COQ4: variants seen among roughly 807,000 people sequenced by gnomAD.
COQ4 encodes the protein ubiquinone biosynthesis protein COQ4 homolog, mitochondrial.
In COQ4, 36 loss-of-function variants were observed where a neutral mutation model predicts 30.2. The observed-to-expected ratio is 1.19, with a 90% confidence interval of 0.91 to 1.57. The LOEUF is 1.57. COQ4 is among the 40% of genes most tolerant of loss of function. COQ4 has a pLI of 0.00. For missense variants in COQ4, 369 were observed against 371.9 expected (o/e 0.99, Z 0.07); for synonymous variants, 197 against 161.0 (o/e 1.22, Z -1.69).
rs1832453524 is a variant in COQ4, at chr9:128,333,665, C to G, written c.*20C>G. On this transcript the variant is annotated 3_prime_UTR_variant, in exon 7 of 7. Transcript: ENST00000300452. ...GCCTGAGCTCCTGAGCCAGCGGGGC[C>G]TGGCCTACCTCCCCCATCCCCTGCT... is the stretch of plus-strand genomic sequence containing the variant. 6.6e-7 allele frequency: 1 copy of G among 1,508,120 alleles called. No individual in the cohort carries two copies. The highest frequency in any genetic ancestry group is 1.4e-5 in the African/African-American group (1 of 70,920). 93.4% of individuals were successfully genotyped at this position (1,508,120 alleles called of 1,614,324 possible).
chr9:128,332,813 T>G, intron 5 of COQ4, 37 bp from the exon 6 acceptor site: 1 of 1,483,162 alleles, frequency 6.7e-7, no homozygotes, highest in South Asian at 1.1e-5. Flanking sequence ...TTCCTTCAGA[T>G]AGCTTGTTCA....
In COQ4 at chr9:128,323,125, G is replaced by T; in HGVS notation, c.180G>T (p.Ala60=). The T allele has an allele frequency of 2.5e-6, 4 of 1,609,188 alleles. No individual in the cohort carries two copies. The South Asian group carries it at 4.4e-5, about 18-fold the overall frequency. ...GLLAAGSAAM[A]LYNPYRHDMV... ...TGGCCGCCGGCTCCGCGGCGATGGC[G>T]CTCTATAACCCCTACCGCCACGGTA... is the stretch of plus-strand genomic sequence containing the variant. Residue 60 remains alanine, a synonymous_variant, in exon 2 of 7, where the codon GCG becomes GCT. Coordinates refer to ENST00000300452, the MANE Select transcript of COQ4 (RefSeq NM_016035.5).
chr9:128,333,037 G>T (rs2131236218), intron 6 of COQ4, 94 bp downstream of exon 6: 1 of 904,172 alleles, frequency 1.1e-6, no homozygotes. Context: ...AAGAGCACAC[G>T]GGCCCCTGCA....
intron 4 of COQ4, chr9:128,326,187 G>A: frequency 1.9e-6 from 1 of 533,798 alleles, no homozygotes; most frequent in South Asian, 2.6e-5. Context: ...TCTTTTAGCA[G>A]ATAAGGAAAC....
At chr9:128,326,176 C>A in intron 4 of COQ4, 1 of 559,344 alleles carries the variant, frequency 1.8e-6, no homozygotes, top group South Asian at 2.4e-5. Context: ...TATTATTATC[C>A]TCTTTTAGCA....
chr9:128,332,364 C>G (rs921239290), intron 5 of COQ4, 82 bp downstream of exon 5: 4 of 1,468,810 alleles, frequency 2.7e-6, no homozygotes. Flanking sequence ...CCACCACCCT[C>G]TGCATCACCT....
chr9:128,327,112 T>C (rs1462777493), intron 4 of COQ4, among the ~76,000 whole-genome samples: 1 of 152,070 alleles, frequency 6.6e-6, no homozygotes, highest in African/African-American at 2.4e-5. Context: ...CTGCCCTCAT[T>C]TCTATTCTAC....
At chr9:128,327,463 A>C (rs1395328240) in intron 4 of COQ4, among the ~76,000 whole-genome samples, 1 of 152,044 alleles carries the variant, frequency 6.6e-6, no homozygotes, top group African/African-American at 2.4e-5. Context: ...AAACAAAAAA[A>C]TTCATATAAA....
intron 4 of COQ4, among the ~76,000 whole-genome samples, chr9:128,328,008 G>A (rs1415397892): frequency 6.6e-6 from 1 of 152,224 alleles, no homozygotes; most frequent in Non-Finnish European, 1.5e-5. Flanking sequence ...AGACTTGGAA[G>A]GTAAGGAGGA....
In COQ4 at chr9:128,333,558, T is replaced by C; in HGVS notation, c.711T>C (p.Tyr237=). Residue 237 remains tyrosine, a synonymous_variant, in exon 7 of 7, where the codon TAT becomes TAC. Coordinates refer to ENST00000300452, the MANE Select transcript of COQ4 (RefSeq NM_016035.5). ...RRAPCVLNLY[Y]ERRWEQSLRA... ...CCCCATGTGTCCTCAACCTGTACTA[T>C]GAGCGGCGCTGGGAGCAGTCCCTGA... 3 of 1,611,020 alleles carry C rather than the reference T, an allele frequency of 1.9e-6. No individual in the cohort carries two copies. The highest frequency in any genetic ancestry group is 2.5e-6 in the Non-Finnish European group (3 of 1,178,780).
intron 4 of COQ4, 141 bp downstream of exon 4, chr9:128,326,022 A>G (rs951185082): frequency 3.8e-5 from 28 of 741,416 alleles, no homozygotes; most frequent in Admixed American, 1.9e-4. Context: ...AGGCTTTGTC[A>G]TTTTCTATGG....
chr9:128,324,790 A>G (rs538775554), intron 2 of COQ4, among the ~76,000 whole-genome samples: 9 of 142,946 alleles, frequency 6.3e-5, no homozygotes, highest in Non-Finnish European at 1.0e-4. Flanking sequence ...AATTTGTACT[A>G]GGTCACCTAG....
At chr9:128,326,601 C>A (rs991288523) in intron 4 of COQ4, among the ~76,000 whole-genome samples, 1 of 152,148 alleles carries the variant, frequency 6.6e-6, no homozygotes, top group Non-Finnish European at 1.5e-5. Context: ...CGCCACGACG[C>A]CCGGCTAATT....
rs1017041016 is a variant in COQ4 at position 128,332,034 on chromosome 9, G to A, written c.403-119G>A. 154 of 1,262,282 alleles carry A rather than the reference G, an allele frequency of 1.2e-4. 1 individual carries two copies. The highest frequency in any genetic ancestry group is 1.9e-4 in the Admixed American group (8 of 41,968). 78.2% of individuals were successfully genotyped at this position (1,262,282 alleles called of 1,614,324 possible). On this transcript the variant is annotated intron_variant, in intron 4 of 6. Coordinates refer to ENST00000300452, the MANE Select transcript of COQ4 (RefSeq NM_016035.5). The stretch of plus-strand genomic sequence containing the variant: ...CATGAGCCTCGGCCCCTGGCCAGTC[G>A]CCAGAGTTTTCTAGTAGGTATGAGT...
chr9:128,325,193 C>T lies in COQ4; in HGVS notation c.253C>T (p.Leu85Phe), dbSNP rs1260812673. ...CACAGGACACCGCACCCTGAAGGTC[C>T]TCAGGGACCAGATGAGGAGGGATCC... The part of the protein sequence containing the change: ...ETTGHRTLKV[L>F]RDQMRRDPEG... The change falls in exon 3 of 7, where the codon CTC (leucine) becomes TTC (phenylalanine). Residue 85 changes from leucine (L) to phenylalanine (F), a missense_variant. Coordinates refer to ENST00000300452, the MANE Select transcript of COQ4 (RefSeq NM_016035.5). The T allele has an allele frequency of 1.1e-5, 17 of 1,614,006 alleles. No homozygotes were observed. The highest frequency in any genetic ancestry group is 1.4e-5 in the Non-Finnish European group (17 of 1,179,982).
At chr9:128,333,352 G>C in intron 6 of COQ4, 122 bp from the exon 7 acceptor site, 1 of 849,014 alleles carries the variant, frequency 1.2e-6, no homozygotes, top group Non-Finnish European at 1.8e-6. Flanking sequence ...AAAAAGCAGG[G>C]ATAATAACTA....
chr9:128,333,892 G>A lies in COQ4; in HGVS notation c.*247G>A, dbSNP rs112374081. On this transcript the variant is annotated 3_prime_UTR_variant, in exon 7 of 7. Coordinates refer to ENST00000300452, the MANE Select transcript of COQ4 (RefSeq NM_016035.5). ...GAACCATGCATGAACAGTATCAGTC[G>A]TCTGGGCTCATGCTGGGATGTCGCA... The A allele has an allele frequency of 4.9e-4, 166 of 338,642 alleles. No homozygotes were observed. The highest frequency in any genetic ancestry group is 2.6e-3 in the African/African-American group (124 of 47,154). 21.0% of individuals were successfully genotyped at this position (338,642 alleles called of 1,614,324 possible). A position where few individuals can be genotyped will look rare whatever the true frequency, so the allele number is the denominator to read the frequency against.
Position 128,325,239 on chromosome 9 carries a change from A to T in COQ4, c.299A>T (p.Gln100Leu). The change falls in exon 3 of 7, where the codon CAG becomes CTG. Residue 100 changes from glutamine (Q) to leucine (L), a missense_variant and splice_region_variant. Transcript: ENST00000300452. The part of the protein sequence containing the change: ...RRDPEGAQIL[Q>L]ERPRISTSTL... ...GATCCAGAGGGTGCCCAGATCCTGCAGTAGGTCCCAGCTCTGCCTGGGGGT... is the reference window on the plus strand; with the variant it reads ...GATCCAGAGGGTGCCCAGATCCTGCTGTAGGTCCCAGCTCTGCCTGGGGGT... 1 of 1,609,824 alleles carries T rather than the reference A, an allele frequency of 6.2e-7. No individual in the cohort carries two copies. Among genetic ancestry groups the T allele is most frequent in the Non-Finnish European group, 8.5e-7 (1 of 1,176,506 alleles).
intron 2 of COQ4, 84 bp downstream of exon 2, chr9:128,323,231 A>T: frequency 7.3e-7 from 1 of 1,366,126 alleles, no homozygotes; most frequent in South Asian, 1.4e-5. Flanking sequence ...AGGTCGGGGT[A>T]CCCAAACCTG....
Sources: gnomAD v4.1 joint callset for allele counts (sites outside exome capture counted in the v4.1 genomes callset) on GRCh38, gnomAD v4.1.1 for gene constraint, MANE v1.5 for transcripts, NCBI Gene and HGNC (gene_info 2026-07-23, HGNC 2026-07-21) for gene names.